KCNMA1: variants seen among roughly 807,000 people sequenced by gnomAD.
KCNMA1 encodes potassium calcium-activated channel subfamily M alpha 1.
KCNMA1 carries 29 observed loss-of-function variants against 140.0 expected under a neutral mutation model. The observed-to-expected ratio is 0.21, with a 90% CI of 0.15 to 0.28. The LOEUF is 0.28. KCNMA1 is among the 10% of genes least tolerant of loss of function. The pLI, the probability that KCNMA1 is intolerant of heterozygous loss-of-function variation, is 1.00. For missense variants in KCNMA1, 880 were observed against 1,602.2 expected (o/e 0.55, Z 7.70); for synonymous variants, 612 against 611.9 (o/e 1.00, Z 0.00).
chr10:76,927,215 T>A (rs1048155796), intron 23 of KCNMA1, among the ~76,000 whole-genome samples: 1 of 152,152 alleles, frequency 6.6e-6, no homozygotes, highest in Non-Finnish European at 1.5e-5. Flanking sequence ...TTGATTCAGT[T>A]TTATACCTTT....
rs2061947388 is a variant in KCNMA1, at chr10:76,941,043, AAG to A, written c.2902+3728_2902+3729del. Among the ~76,000 whole-genome samples the A allele has an allele frequency of 7.6e-5, 6 of 78,878 alleles. No homozygotes were observed. In the South Asian group the frequency reaches 1.6e-3, roughly 21 times the overall value. The allele number at this position is 78,878 out of a possible 152,430, so 51.7% of individuals were successfully genotyped here. A position where few individuals can be genotyped will look rare whatever the true frequency, so the allele number is the denominator to read the frequency against. ...GAAGAAAGAAAGAAAGAAAGAAAGA[AAG>A]AAAGAAAGAGAAAGAAAGAAAGAAA... On this transcript the variant is annotated intron_variant, in intron 23 of 27. Coordinates refer to ENST00000286628, the MANE Select transcript of KCNMA1 (RefSeq NM_001161352.2).
chr10:76,973,782 T>C (rs1592434390), intron 19 of KCNMA1, among the ~76,000 whole-genome samples: 1 of 152,198 alleles, frequency 6.6e-6, no homozygotes, highest in Non-Finnish European at 1.5e-5. Flanking sequence ...AGAAATATCT[T>C]CCTTTATCAG....
rs1052228527 is a variant in KCNMA1 at position 77,108,360 on chromosome 10, G to C, written c.1223+121C>G. 6.3e-7 allele frequency: 1 copy of C among 1,592,964 alleles called. No individual in the cohort carries two copies. The highest frequency in any genetic ancestry group is 8.5e-7 in the Non-Finnish European group (1 of 1,175,734). The stretch of plus-strand genomic sequence containing the variant: ...GGATGAGAGCAGCAATTTCGGGCAC[G>C]TAGCGGGCAAACATTGCCTACATGC... On this transcript the variant is annotated intron_variant, in intron 9 of 27. Coordinates refer to ENST00000286628, the MANE Select transcript of KCNMA1 (RefSeq NM_001161352.2). This position sits in a 1 kb window ranked among gnomAD's most constrained non-coding sequence, Gnocchi z 4.6.
Position 77,015,819 on chromosome 10 carries a change from TAC to T in KCNMA1, c.2015+3192_2015+3193del, listed in dbSNP as rs549231911. The stretch of plus-strand genomic sequence containing the variant: ...GGGGGGTTCTGCACACTCTCCCAAA[TAC>T]AGTCTGAATGGGAACCCACCTCTCT... On this transcript the variant is annotated intron_variant, in intron 17 of 27. Coordinates refer to ENST00000286628, the MANE Select transcript of KCNMA1 (RefSeq NM_001161352.2). Among the ~76,000 whole-genome samples the T allele has an allele frequency of 1.1e-3, 162 of 152,124 alleles. 5 individuals are homozygous for T. The South Asian group carries it at 0.032, about 30-fold the overall frequency.
At chr10:77,196,843 C>T (rs1407185031) in intron 3 of KCNMA1, among the ~76,000 whole-genome samples, 1 of 151,938 alleles carries the variant, frequency 6.6e-6, no homozygotes. Context: ...AGCTTACAAC[C>T]AAGGCATGTC....
chr10:76,994,356 TAAC>T (rs1193161721), intron 19 of KCNMA1, among the ~76,000 whole-genome samples: 5 of 152,214 alleles, frequency 3.3e-5, no homozygotes, highest in African/African-American at 9.7e-5. Flanking sequence ...GTGTTAAATT[TAAC>T]AACAGCAACA....
At chr10:77,071,478 C>T (rs1031094011) in intron 14 of KCNMA1, 2 of 152,182 alleles carry the variant, frequency 1.3e-5, no homozygotes, top group Non-Finnish European at 2.9e-5. Context: ...GGTGACAGTC[C>T]TTTATCCTGA....
chr10:77,408,439 AGTGTGTGCATGT>A (rs976513805), intron 1 of KCNMA1, among the ~76,000 whole-genome samples: 1 of 150,712 alleles, frequency 6.6e-6, no homozygotes, highest in African/African-American at 2.4e-5. Context: ...CACGTGTGAG[AGTGTGTGCATGT>A]GTGTGTGCGT....
intron 2 of KCNMA1, among the ~76,000 whole-genome samples, chr10:77,378,648 G>A (rs1319602659): frequency 6.6e-6 from 1 of 152,198 alleles, no homozygotes; most frequent in African/African-American, 2.4e-5. Context: ...CTTCCTCATT[G>A]TAAAGAGAGC....
chr10:76,923,593 G>A (rs1015638734), intron 23 of KCNMA1, among the ~76,000 whole-genome samples: 2 of 152,198 alleles, frequency 1.3e-5, no homozygotes, highest in Admixed American at 6.5e-5. Flanking sequence ...ATATTCACCC[G>A]GTCTAATGTC....
intron 14 of KCNMA1, among the ~76,000 whole-genome samples, chr10:77,047,629 C>G (rs1457048103): frequency 1.3e-5 from 2 of 149,378 alleles, no homozygotes; most frequent in Non-Finnish European, 3.0e-5. Flanking sequence ...TTTTGCCACC[C>G]TATCCTCAAT....
intron 5 of KCNMA1, among the ~76,000 whole-genome samples, chr10:77,150,441 A>T (rs1277425142): frequency 1.3e-5 from 2 of 152,254 alleles, no homozygotes; most frequent in Non-Finnish European, 2.9e-5. Flanking sequence ...TGAATTAATC[A>T]TCAATAAGTC....
intron 21 of KCNMA1, among the ~76,000 whole-genome samples, chr10:76,950,263 T>G (rs1382447019): frequency 6.6e-6 from 1 of 152,204 alleles, no homozygotes; most frequent in East Asian, 1.9e-4. Context: ...CAGGGACATT[T>G]CTGGAGGGGC....
chr10:77,245,538 A>G (rs1175376738), intron 3 of KCNMA1, among the ~76,000 whole-genome samples: 2 of 152,168 alleles, frequency 1.3e-5, no homozygotes, highest in African/African-American at 2.4e-5. Flanking sequence ...CCTCCATCCT[A>G]TGTGGCTCCA....
intron 1 of KCNMA1, among the ~76,000 whole-genome samples, chr10:77,430,732 C>T (rs992313698): frequency 3.3e-5 from 5 of 152,218 alleles, no homozygotes; most frequent in African/African-American, 1.2e-4. Flanking sequence ...CATGTCCATG[C>T]ACCTGCTAAT....
In KCNMA1 at chr10:76,891,543, C is replaced by T. The variant is rs754021758; in HGVS notation, c.3324G>A (p.Gly1108=). The change falls in exon 26 of 28, where the codon GGG becomes GGA. Residue 1108 remains glycine, a synonymous_variant. Transcript: ENST00000286628. The part of the protein sequence containing the change: ...CRVAQLALLD[G]PFADLGDGGC... The stretch of plus-strand genomic sequence containing the variant: ...GACTCACCCCTAAGTCCGCAAATGG[C>T]CCATCGAGCAGAGCTAACTGGGCCA... 3.1e-6 allele frequency: 5 copies of T among 1,613,260 alleles called. No individual in the cohort carries two copies. In the Admixed American group the frequency reaches 8.3e-5, roughly 27 times the overall value.
Position 76,889,534 on chromosome 10 carries a change from A to G in KCNMA1, c.3378T>C (p.Ala1126=), listed in dbSNP as rs1454657864. 1 of 1,613,836 alleles carries G rather than the reference A, an allele frequency of 6.2e-7. No homozygotes were observed. Among genetic ancestry groups the G allele is most frequent in the Non-Finnish European group, 8.5e-7 (1 of 1,179,886 alleles). The change falls in exon 27 of 28, where the codon GCT becomes GCC. Residue 1126 remains alanine, a synonymous_variant. Coordinates refer to ENST00000286628, the MANE Select transcript of KCNMA1 (RefSeq NM_001161352.2). ...AACAAAGCATATTATATGTTTTCAG[A>G]GCTTTGCAGAACAGATCACCATAAC... is the stretch of plus-strand genomic sequence containing the variant. ...GGCYGDLFCK[A]LKTYNMLCFG...
chr10:76,946,992 A>G (rs530604807), intron 22 of KCNMA1, among the ~76,000 whole-genome samples: 1 of 152,324 alleles, frequency 6.6e-6, no homozygotes, highest in East Asian at 1.9e-4. Context: ...ATGACCTGCA[A>G]AGATGACAGC....
chr10:77,173,026 C>G (rs143918903), intron 5 of KCNMA1, among the ~76,000 whole-genome samples: 57 of 152,268 alleles, frequency 3.7e-4, no homozygotes, highest in Middle Eastern at 3.4e-3. Flanking sequence ...ATCTCCAACA[C>G]GACGGCATTG....
Sources: gnomAD v4.1 joint callset for allele counts (sites outside exome capture counted in the v4.1 genomes callset) on GRCh38, gnomAD v4.1.1 for gene constraint, Gnocchi (gnomAD v3.1) non-coding constraint, MANE v1.5 for transcripts, NCBI Gene and HGNC (gene_info 2026-07-23, HGNC 2026-07-21) for gene names.